Variants in PRDM14 observed in about 807,000 individuals in gnomAD.
PRDM14 encodes the protein PR domain zinc finger protein 14.
A neutral mutation model predicts 48.0 loss-of-function variants in PRDM14; 16 were observed. The observed-to-expected ratio is 0.33, with a 90% CI of 0.23 to 0.51. PRDM14 has a LOEUF of 0.51. PRDM14 is among the 20% of genes least tolerant of loss of function. PRDM14 has a pLI of 0.97. For synonymous variants in PRDM14, 264 were observed against 276.6 expected (o/e 0.95, Z 0.45); for missense variants, 566 against 719.6 (o/e 0.79, Z 2.44).
intron 7 of PRDM14, among the ~76,000 whole-genome samples, chr8:70,054,895 C>T (rs1407388790): frequency 6.6e-6 from 1 of 150,702 alleles, no homozygotes; most frequent in African/African-American, 2.4e-5. Flanking sequence ...AATCTTGGCT[C>T]ACTGCAACCT....
chr8:70,062,446 A>G (rs1442841289), intron 5 of PRDM14, among the ~76,000 whole-genome samples: 1 of 152,196 alleles, frequency 6.6e-6, no homozygotes, highest in African/African-American at 2.4e-5. Context: ...ACCAAAGTCT[A>G]AATATAAAGT....
At chr8:70,066,173 G>C in intron 5 of PRDM14, 62 bp downstream of exon 5, 1 of 1,557,868 alleles carries the variant, frequency 6.4e-7, no homozygotes, top group East Asian at 2.2e-5. Flanking sequence ...AGGGTTTGTG[G>C]AAAAGAGCCC....
intron 5 of PRDM14, among the ~76,000 whole-genome samples, chr8:70,062,328 T>C (rs75790086): frequency 4.6e-5 from 7 of 152,142 alleles, no homozygotes; most frequent in South Asian, 2.1e-4. Context: ...AACAAATAGG[T>C]TGAGTATCCT....
At chr8:70,057,623 C>A (rs924380937) in intron 6 of PRDM14, among the ~76,000 whole-genome samples, 1 of 152,182 alleles carries the variant, frequency 6.6e-6, no homozygotes, top group Non-Finnish European at 1.5e-5. Context: ...TGAGCCACTG[C>A]GCCTGGCCAG....
chr8:70,054,822 C>T (rs908154409), intron 7 of PRDM14, among the ~76,000 whole-genome samples: 6 of 150,528 alleles, frequency 4.0e-5, no homozygotes, highest in African/African-American at 9.8e-5. Flanking sequence ...CCTCCCCACC[C>T]CCTCCTTTTT....
intron 6 of PRDM14, among the ~76,000 whole-genome samples, chr8:70,055,699 A>G (rs562255992): frequency 6.6e-6 from 1 of 152,142 alleles, no homozygotes; most frequent in South Asian, 2.1e-4. Flanking sequence ...TGTAGAGATG[A>G]GGTCTCACTA....
intron 6 of PRDM14, among the ~76,000 whole-genome samples, chr8:70,058,406 A>G (rs1195167975): frequency 6.6e-6 from 1 of 152,112 alleles, no homozygotes; most frequent in Non-Finnish European, 1.5e-5. Flanking sequence ...GTGGCCGTGG[A>G]CACTCCTTCC....
intron 5 of PRDM14, among the ~76,000 whole-genome samples, chr8:70,060,320 G>T (rs1301985807): frequency 6.6e-6 from 1 of 150,670 alleles, no homozygotes; most frequent in Non-Finnish European, 1.5e-5. Context: ...CCTGAGCCTG[G>T]GGAAGTTAGT....
rs1253573494 is a variant in PRDM14 at position 70,069,673 on chromosome 8, G to A, written c.188C>T (p.Ala63Val). The part of the protein sequence containing the change: ...FRQLEAAASA[A>V]PAMPPFPFRM... ...GAAGGGGAAGGGGGGCATGGCGGGG[G>A]CAGCAGACGCTGCGGCCTCCAGCTG... Residue 63 changes from alanine (A) to valine (V), a missense_variant, in exon 2 of 8, where the codon GCC (alanine) becomes GTC (valine). Physicochemically the swap from Ala to Val is moderately conservative, Grantham distance 64. Around this residue, in one of 3 missense-constraint regions of PRDM14, gnomAD observed 410 missense variants for 424.6 expected, o/e 0.97. Transcript: ENST00000276594. 1.3e-6 allele frequency: 2 copies of A among 1,550,814 alleles called. No individual in the cohort carries two copies. Among genetic ancestry groups the A allele is most frequent in the Admixed American group, 2.0e-5 (1 of 51,186 alleles).
At chr8:70,056,232 C>A (rs1805470017) in intron 6 of PRDM14, among the ~76,000 whole-genome samples, 1 of 152,176 alleles carries the variant, frequency 6.6e-6, no homozygotes, top group South Asian at 2.1e-4. Flanking sequence ...TTGACCCTGG[C>A]AACTCCTCTC....
intron 7 of PRDM14, among the ~76,000 whole-genome samples, chr8:70,052,897 ACTGC>A (rs1477582169): frequency 7.2e-6 from 1 of 139,066 alleles, no homozygotes; most frequent in Non-Finnish European, 1.5e-5. Flanking sequence ...AAAAAAGCAG[ACTGC>A]CAGCCTGGGC....
At chr8:70,061,861 T>C (rs1805586854) in intron 5 of PRDM14, among the ~76,000 whole-genome samples, 1 of 152,002 alleles carries the variant, frequency 6.6e-6, no homozygotes, top group Non-Finnish European at 1.5e-5. Context: ...ATTCCCTCTC[T>C]CCCTCACAAG....
intron 7 of PRDM14, among the ~76,000 whole-genome samples, chr8:70,053,974 T>C (rs142801624): frequency 1.8e-4 from 28 of 152,324 alleles, no homozygotes; most frequent in African/African-American, 5.1e-4. Context: ...CATGGAGCCA[T>C]TGAGCACTTA....
At chr8:70,061,543 C>G (rs1308864195) in intron 5 of PRDM14, among the ~76,000 whole-genome samples, 1 of 152,174 alleles carries the variant, frequency 6.6e-6, no homozygotes, top group African/African-American at 2.4e-5. Context: ...GGTGCTAATA[C>G]TCTCAGAATC....
chr8:70,053,336 T>A lies in PRDM14; in HGVS notation c.1489-1032A>T, dbSNP rs1479769208. Reference sequence around the variant, plus strand: ...TGCCTTACTGGTTTTCTTCTTCTTCTTCTTCTTTTTAATTTAAACTTTTTG... The same window carrying A: ...TGCCTTACTGGTTTTCTTCTTCTTCATCTTCTTTTTAATTTAAACTTTTTG... On this transcript the variant is annotated intron_variant, in intron 7 of 7. Transcript: ENST00000276594. Among the ~76,000 whole-genome samples the A allele has an allele frequency of 2.6e-5, 4 of 152,074 alleles. No homozygotes were observed. In the East Asian group the frequency reaches 7.8e-4, roughly 30 times the overall value.
intron 6 of PRDM14, 100 bp from the exon 7 acceptor site, chr8:70,055,501 A>AT (rs1389133916): frequency 5.0e-6 from 3 of 598,632 alleles, no homozygotes; most frequent in Non-Finnish European, 2.9e-6. Flanking sequence ...CTCTTTTCCA[A>AT]TTTTTTTCTT....
rs78983830 is a variant in PRDM14 at position 70,052,373 on chromosome 8, A to T, written c.1489-69T>A. On this transcript the variant is annotated intron_variant, in intron 7 of 7. Transcript: ENST00000276594. ...CACGAGCTGGACAACCAATTAAACT[A>T]AGGGGTAAATTTCACTGTTGCTCAT... 3.7e-3 allele frequency: 4,732 copies of T among 1,291,414 alleles called. 136 individuals are homozygous for T. The African/African-American group carries it at 0.063, about 17-fold the overall frequency. 80.0% of individuals were successfully genotyped at this position (1,291,414 alleles called of 1,614,324 possible).
intron 6 of PRDM14, among the ~76,000 whole-genome samples, chr8:70,057,997 A>C (rs1278674550): frequency 6.6e-6 from 1 of 152,192 alleles, no homozygotes; most frequent in Non-Finnish European, 1.5e-5. Context: ...GCAAGAATAC[A>C]TCTGTGCCCA....
At position 70,060,156 on chromosome 8, in the gene PRDM14, T is replaced by A. The variant is rs537252401; in HGVS notation, c.1184-1314A>T. On this transcript the variant is annotated intron_variant, in intron 5 of 7. Transcript: ENST00000276594. ...TGGCTCACGCCTATAATCCCAACAC[T>A]CTGGGAAGCTGAAGTGGACAGATCG... Among the ~76,000 whole-genome samples the A allele has an allele frequency of 1.1e-4, 17 of 149,244 alleles. 1 individual carries two copies. The Admixed American group carries it at 1.1e-3, about 10-fold the overall frequency.
Sources: gnomAD v4.1 joint callset for allele counts (sites outside exome capture counted in the v4.1 genomes callset) on GRCh38, gnomAD v4.1.1 for gene constraint, gnomAD v4.1.1 regional missense constraint, MANE v1.5 for transcripts, NCBI Gene and HGNC (gene_info 2026-07-23, HGNC 2026-07-21) for gene names.